The following MAGI1 variants were observed in gnomAD, a reference collection of about 807,000 sequenced individuals.
MAGI1 encodes the protein membrane associated guanylate kinase, WW and PDZ domain containing 1, also known as membrane-associated guanylate kinase, WW and PDZ domain-containing protein 1.
In MAGI1, 58 loss-of-function variants were observed where a neutral mutation model predicts 139.9. The ratio of observed to expected loss-of-function variants is 0.41; its 90% CI spans 0.34 to 0.52. The LOEUF is 0.52. Ranked by LOEUF, MAGI1 falls within the 20% of genes least tolerant of loss-of-function variation. The probability of loss-of-function intolerance (pLI) is 0.12; values close to 1 mark genes in which losing one functional copy is unlikely to be tolerated. For missense variants in MAGI1, 1,874 were observed against 1,901.6 expected (o/e 0.99, Z 0.27); for synonymous variants, 812 against 737.9 (o/e 1.10, Z -1.63).
intron 15 of MAGI1, among the ~76,000 whole-genome samples, chr3:65,382,587 G>A (rs1943142278): frequency 6.6e-6 from 1 of 152,178 alleles, no homozygotes; most frequent in African/African-American, 2.4e-5. Context: ...GTGTCTTGCT[G>A]TTATATTTGC....
intron 18 of MAGI1, among the ~76,000 whole-genome samples, chr3:65,374,159 T>C (rs1003674441): frequency 1.3e-5 from 2 of 152,116 alleles, no homozygotes; most frequent in Admixed American, 6.6e-5. Flanking sequence ...ATATATTTTA[T>C]AACATGTATA....
intron 18 of MAGI1, among the ~76,000 whole-genome samples, chr3:65,374,688 G>T (rs1942331087): frequency 6.6e-6 from 1 of 152,094 alleles, no homozygotes; most frequent in African/African-American, 2.4e-5. Flanking sequence ...ACTTTTTATT[G>T]TGAGGGCTGT....
rs558270441 is a variant in MAGI1 at position 65,849,001 on chromosome 3, C to CTTTTTTT, written c.313+188988_313+188994dup. Among the ~76,000 whole-genome samples the CTTTTTTT allele has an allele frequency of 3.1e-3, 123 of 39,646 alleles. 16 individuals carry two copies. The highest frequency in any genetic ancestry group is 6.8e-3 in the East Asian group (6 of 884). 26.0% of individuals were successfully genotyped at this position (39,646 alleles called of 152,430 possible). ...GCAGCTCAAGACTATTCAGAGCATTCTTTTTTTTTTTTTTTTTTTTTTTTT... is the reference window on the plus strand; with the variant it reads ...GCAGCTCAAGACTATTCAGAGCATTCTTTTTTTTTTTTTTTTTTTTTTTTTTTTTTTT... On this transcript the variant is annotated intron_variant, in intron 1 of 22. Transcript: ENST00000402939.
At chr3:65,602,671 G>A (rs1216287970) in intron 2 of MAGI1, among the ~76,000 whole-genome samples, 1 of 151,602 alleles carries the variant, frequency 6.6e-6, no homozygotes, top group Non-Finnish European at 1.5e-5. Flanking sequence ...TTTAAAAATA[G>A]GTCAATTATG....
At chr3:66,000,607 A>C (rs1484048155) in intron 1 of MAGI1, among the ~76,000 whole-genome samples, 1 of 152,272 alleles carries the variant, frequency 6.6e-6, no homozygotes, top group East Asian at 1.9e-4. Context: ...GGCACCAGAC[A>C]TGATGAAAGG....
At chr3:65,912,969 T>C (rs185338485) in intron 1 of MAGI1, among the ~76,000 whole-genome samples, 7 of 152,288 alleles carry the variant, frequency 4.6e-5, no homozygotes, top group Middle Eastern at 3.4e-3. Context: ...TTGATCTCTT[T>C]AAATACTACC....
intron 1 of MAGI1, among the ~76,000 whole-genome samples, chr3:65,656,126 G>C (rs950384580): frequency 4.0e-5 from 6 of 151,874 alleles, no homozygotes; most frequent in Non-Finnish European, 8.8e-5. Context: ...GTCTGCAATG[G>C]GGACAGAAAA....
At chr3:65,582,722 C>G (rs1235720421) in intron 2 of MAGI1, among the ~76,000 whole-genome samples, 1 of 152,168 alleles carries the variant, frequency 6.6e-6, no homozygotes, top group African/African-American at 2.4e-5. Context: ...CCCAAAGCCT[C>G]ATGGAAGTCA....
At chr3:65,494,558 A>C (rs760312644) in intron 2 of MAGI1, among the ~76,000 whole-genome samples, 1 of 152,238 alleles carries the variant, frequency 6.6e-6, no homozygotes, top group African/African-American at 2.4e-5. Flanking sequence ...AGAGCAAAAA[A>C]TGTGACTTCT....
chr3:65,595,630 C>T (rs1482834842), intron 2 of MAGI1, among the ~76,000 whole-genome samples: 1 of 152,064 alleles, frequency 6.6e-6, no homozygotes, highest in Non-Finnish European at 1.5e-5. Flanking sequence ...GATTTAAGAG[C>T]CATAATTGAG....
At chr3:65,408,135 T>G (rs1168274449) in intron 12 of MAGI1, among the ~76,000 whole-genome samples, 1 of 152,226 alleles carries the variant, frequency 6.6e-6, no homozygotes, top group Non-Finnish European at 1.5e-5. Context: ...CCTATAGTCC[T>G]TAAGTTAAAT....
At chr3:66,029,335 G>C (rs2068472117) in intron 1 of MAGI1, among the ~76,000 whole-genome samples, 1 of 152,142 alleles carries the variant, frequency 6.6e-6, no homozygotes, top group African/African-American at 2.4e-5. Flanking sequence ...TGTCCATAAA[G>C]AGAGCCTCGA....
At chr3:65,438,615 T>C (rs1377859930) in intron 9 of MAGI1, among the ~76,000 whole-genome samples, 1 of 152,192 alleles carries the variant, frequency 6.6e-6, no homozygotes, top group Non-Finnish European at 1.5e-5. Context: ...TCTCTCTAAA[T>C]TGTACAGTCC....
At chr3:65,906,177 T>C (rs894778078) in intron 1 of MAGI1, among the ~76,000 whole-genome samples, 10 of 152,132 alleles carry the variant, frequency 6.6e-5, no homozygotes, top group Non-Finnish European at 1.2e-4. Context: ...AAAAAGAATA[T>C]ATTACTCGAA....
chr3:65,378,506 T>G (rs1942754368), intron 17 of MAGI1, among the ~76,000 whole-genome samples: 1 of 152,156 alleles, frequency 6.6e-6, no homozygotes, highest in Non-Finnish European at 1.5e-5. Context: ...TAGAGCATTT[T>G]TACAGCCGTA....
At chr3:65,512,795 A>C (rs138386072) in intron 2 of MAGI1, among the ~76,000 whole-genome samples, 25,821 of 149,668 alleles carry the variant, frequency 0.17, 2,827 homozygotes, top group Non-Finnish European at 0.25. Context: ...AATCCTCCCT[A>C]ACTCATTTTA....
chr3:65,616,880 A>G (rs1214058603), intron 2 of MAGI1, among the ~76,000 whole-genome samples: 2 of 152,226 alleles, frequency 1.3e-5, no homozygotes, highest in Non-Finnish European at 2.9e-5. Context: ...AGTTCATGTT[A>G]TCAGCTCTAA....
At chr3:65,705,271 C>A (rs559026063) in intron 1 of MAGI1, among the ~76,000 whole-genome samples, 57 of 150,812 alleles carry the variant, frequency 3.8e-4, no homozygotes, top group South Asian at 8.4e-4. Flanking sequence ...TTTCTCTGCC[C>A]TAGAAAATTT....
rs976449019 is a variant in MAGI1 at position 65,383,392 on chromosome 3, T to C, written c.2508+140A>G. 42 of 652,248 alleles carry C rather than the reference T, an allele frequency of 6.4e-5. 1 individual carries two copies. The highest frequency in any genetic ancestry group is 2.5e-4 in the Middle Eastern group (1 of 4,012). 40.4% of individuals were successfully genotyped at this position (652,248 alleles called of 1,614,324 possible). A position where few individuals can be genotyped will look rare whatever the true frequency, so the allele number is the denominator to read the frequency against. ...ACAAAGAGAGCTCCACAAAACCCAA[T>C]GAGAAACCCACACTACTCAAGATTA... On this transcript the variant is annotated intron_variant, in intron 15 of 22. Coordinates refer to ENST00000402939, the MANE Select transcript of MAGI1 (RefSeq NM_001033057.2).
Sources: allele counts gnomAD v4.1 joint callset (sites outside exome capture counted in the v4.1 genomes callset), GRCh38; gene constraint gnomAD v4.1.1; transcripts MANE v1.5; gene names NCBI Gene and HGNC (gene_info 2026-07-23, HGNC 2026-07-21).